Variants in CCR7 observed in about 807,000 individuals in gnomAD.
CCR7 encodes the protein C-C chemokine receptor type 7.
CCR7 carries 11 observed loss-of-function variants against 26.0 expected under a neutral mutation model. The observed-to-expected ratio is 0.42, with a 90% CI of 0.27 to 0.70. CCR7 has a LOEUF of 0.70. Among genes scored for constraint, CCR7 ranks in the 30% least tolerant of loss-of-function variants. The pLI, the probability that CCR7 is intolerant of heterozygous loss-of-function variation, is 0.23. For synonymous variants in CCR7, 189 were observed against 202.1 expected, an observed-to-expected ratio of 0.94 and a Z score of 0.55; for missense variants, 360 against 504.0, an observed-to-expected ratio of 0.71 and a Z score of 2.74.
Position 40,555,928 on chromosome 17 carries a change from C to T in CCR7, c.61-110G>A, listed in dbSNP as rs1344240839. ...TCTTTCTTTTTTTTTTTTCTTGAGA[C>T]ATGGTCTCACTCTGTTGCCCAGGCT... On this transcript the variant is annotated intron_variant, in intron 2 of 2. Coordinates refer to ENST00000246657, the MANE Select transcript of CCR7 (RefSeq NM_001838.4). The surrounding 1 kb of genome is among the most constrained non-coding windows in gnomAD (Gnocchi z 5.6). 4 of 720,160 alleles carry T rather than the reference C, an allele frequency of 5.6e-6. No homozygotes were observed. Among genetic ancestry groups the T allele is most frequent in the Non-Finnish European group, 9.1e-6 (4 of 438,052 alleles). 44.6% of individuals were successfully genotyped at this position (720,160 alleles called of 1,614,324 possible). A position where few individuals can be genotyped will look rare whatever the true frequency, so the allele number is the denominator to read the frequency against.
At chr17:40,565,301 T>A in intron 1 of CCR7, 99 bp downstream of exon 1, 1 of 1,041,238 alleles carries the variant, frequency 9.6e-7, no homozygotes, top group Non-Finnish European at 1.5e-6. Context: ...GAAGCACCCC[T>A]ATGCGCTCCA....
rs1458276839 is a variant in CCR7 at position 40,554,745 on chromosome 17, T to C, written c.1134A>G (p.Pro378=). The part of the protein sequence containing the change: ...VEAETTTTFS[P] ...CTAGTCCAGGCAGAAGAGTCGCCTA[T>C]GGGGAGAAGGTGGTGGTGGTCTCGG... The change falls in exon 3 of 3, where the codon CCA becomes CCG. Residue 378 remains proline, a synonymous_variant. Coordinates refer to ENST00000246657, the MANE Select transcript of CCR7 (RefSeq NM_001838.4). The C allele has an allele frequency of 6.2e-7, 1 of 1,604,044 alleles. No homozygotes were observed. Among genetic ancestry groups the C allele is most frequent in the East Asian group, 2.2e-5 (1 of 44,724 alleles).
chr17:40,559,996 A>AG (rs1248285276), intron 1 of CCR7, among the ~76,000 whole-genome samples: 1 of 151,814 alleles, frequency 6.6e-6, no homozygotes, highest in Non-Finnish European at 1.5e-5. Context: ...GGCAGGTGAA[A>AG]GGGGGAACAG....
intron 1 of CCR7, among the ~76,000 whole-genome samples, chr17:40,563,481 C>A (rs183284290): frequency 1.1e-4 from 16 of 152,160 alleles, no homozygotes; most frequent in African/African-American, 2.9e-4. Context: ...TCATTCAAAC[C>A]GTGAAAAAGG....
intron 1 of CCR7, among the ~76,000 whole-genome samples, 177 bp from the exon 2 acceptor site, chr17:40,559,119 G>T (rs958508766): frequency 1.3e-5 from 2 of 152,176 alleles, no homozygotes; most frequent in African/African-American, 4.8e-5. Flanking sequence ...CTGCTGCCCG[G>T]CATCACTGTC....
At chr17:40,563,976 C>G (rs1311560173) in intron 1 of CCR7, among the ~76,000 whole-genome samples, 1 of 152,068 alleles carries the variant, frequency 6.6e-6, no homozygotes, top group African/African-American at 2.4e-5. Flanking sequence ...CCCCGGGGAG[C>G]TGCTTTTCAA....
At chr17:40,557,705 C>T (rs930400712) in intron 2 of CCR7, among the ~76,000 whole-genome samples, 1 of 152,202 alleles carries the variant, frequency 6.6e-6, no homozygotes, top group African/African-American at 2.4e-5. Context: ...CTATGAAGTG[C>T]ACTCTGCATC....
chr17:40,565,148 C>T (rs574549656), intron 1 of CCR7, among the ~76,000 whole-genome samples: 5 of 152,224 alleles, frequency 3.3e-5, no homozygotes, highest in South Asian at 2.1e-4. Flanking sequence ...GACATGATCT[C>T]GGCCCCTCCC....
rs1421284201 is a variant in CCR7, at chr17:40,554,238, AGTTT to A, written c.*500_*503del. Reference sequence around the variant, plus strand: ...AAACGATGGAGGGAGGGGTTCAGAGAGTTTGTTTGACCAGCTGATGTCCGCTTTT... The same window carrying A: ...AAACGATGGAGGGAGGGGTTCAGAGAGTTTGACCAGCTGATGTCCGCTTTT... On this transcript the variant is annotated 3_prime_UTR_variant, in exon 3 of 3. Transcript: ENST00000246657. The A allele has an allele frequency of 6.5e-6, 1 of 153,758 alleles. No homozygotes were observed. The highest frequency in any genetic ancestry group is 2.4e-5 in the African/African-American group (1 of 41,432). The allele number at this position is 153,758 out of a possible 1,614,324, so 9.5% of individuals were successfully genotyped here.
At chr17:40,557,710 T>A (rs2036607025) in intron 2 of CCR7, among the ~76,000 whole-genome samples, 1 of 152,200 alleles carries the variant, frequency 6.6e-6, no homozygotes, top group Non-Finnish European at 1.5e-5. Flanking sequence ...AAGTGCACTC[T>A]GCATCATCCA....
chr17:40,559,832 A>C (rs907010303), intron 1 of CCR7, among the ~76,000 whole-genome samples: 10 of 152,214 alleles, frequency 6.6e-5, no homozygotes, highest in Admixed American at 3.3e-4. Context: ...GGGCATCAAG[A>C]TGGCCCGAGA....
chr17:40,563,120 G>C (rs1405121223), intron 1 of CCR7, among the ~76,000 whole-genome samples: 1 of 152,140 alleles, frequency 6.6e-6, no homozygotes. Flanking sequence ...GGTCAATGCT[G>C]TATCTTATTC....
intron 1 of CCR7, among the ~76,000 whole-genome samples, chr17:40,559,655 G>T (rs1485304682): frequency 1.3e-5 from 2 of 152,220 alleles, no homozygotes; most frequent in Non-Finnish European, 2.9e-5. Context: ...CACACCCTTG[G>T]CCTGCCTTTG....
intron 1 of CCR7, among the ~76,000 whole-genome samples, chr17:40,561,600 A>T (rs553896786): frequency 3.9e-5 from 6 of 152,276 alleles, no homozygotes; most frequent in Admixed American, 6.5e-5. Flanking sequence ...CCAACATGAG[A>T]GACTGCCCAT....
At chr17:40,557,525 G>T (rs545634977) in intron 2 of CCR7, among the ~76,000 whole-genome samples, 1 of 152,208 alleles carries the variant, frequency 6.6e-6, no homozygotes, top group African/African-American at 2.4e-5. Context: ...AGCCTGAGAC[G>T]AAAAGTCAGT....
At chr17:40,556,350 AC>A (rs2036587350) in intron 2 of CCR7, among the ~76,000 whole-genome samples, 1 of 152,182 alleles carries the variant, frequency 6.6e-6, no homozygotes, top group South Asian at 2.1e-4. Flanking sequence ...AATCCTGTGA[AC>A]ATGTCTATCC....
intron 1 of CCR7, among the ~76,000 whole-genome samples, chr17:40,564,118 G>A (rs1188975157): frequency 6.6e-6 from 1 of 152,130 alleles, no homozygotes; most frequent in East Asian, 1.9e-4. Flanking sequence ...AGGGGGTGCA[G>A]GGGAGTGGGA....
At position 40,555,919 on chromosome 17, in the gene CCR7, T is replaced by C. The variant is rs575301102; in HGVS notation, c.61-101A>G. ...GCAGTGGTTTCTTTCTTTTTTTTTT[T>C]TCTTGAGACATGGTCTCACTCTGTT... is the stretch of plus-strand genomic sequence containing the variant. On this transcript the variant is annotated intron_variant, in intron 2 of 2. Coordinates refer to ENST00000246657, the MANE Select transcript of CCR7 (RefSeq NM_001838.4). The surrounding 1 kb of genome is among the most constrained non-coding windows in gnomAD (Gnocchi z 5.6). The C allele has an allele frequency of 2.9e-4, 230 of 793,806 alleles. 4 individuals are homozygous for C. Among genetic ancestry groups the C allele is most frequent in the South Asian group, 1.7e-3 (98 of 56,764 alleles). The allele number at this position is 793,806 out of a possible 1,614,324, so 49.2% of individuals were successfully genotyped here.
Position 40,554,475 on chromosome 17 carries a change from G to GT in CCR7, c.*266dup, listed in dbSNP as rs2036554059. ...AACAGTTTCTGGACTTTCACTTTCA[G>GT]TTTTTGGTTTAGGGGACAATAGCCT... On this transcript the variant is annotated 3_prime_UTR_variant, in exon 3 of 3. Coordinates refer to ENST00000246657, the MANE Select transcript of CCR7 (RefSeq NM_001838.4). 4.3e-6 allele frequency: 2 copies of GT among 463,170 alleles called. No individual in the cohort carries two copies. The highest frequency in any genetic ancestry group is 7.7e-6 in the Non-Finnish European group (2 of 260,354). The allele number at this position is 463,170 out of a possible 1,614,324, so 28.7% of individuals were successfully genotyped here.
Sources: gnomAD v4.1 joint callset for allele counts (sites outside exome capture counted in the v4.1 genomes callset) on GRCh38, gnomAD v4.1.1 for gene constraint, Gnocchi (gnomAD v3.1) non-coding constraint, MANE v1.5 for transcripts, NCBI Gene and HGNC (gene_info 2026-07-23, HGNC 2026-07-21) for gene names.